COL13A1: variants seen among roughly 807,000 people sequenced by gnomAD.
The protein encoded by COL13A1 is collagen type XIII alpha 1 chain, also known as collagen alpha-1(XIII) chain.
A neutral mutation model predicts 130.9 loss-of-function variants in COL13A1; 89 were observed. That is an observed-to-expected ratio of 0.68 (90% CI 0.57 to 0.81). COL13A1 has a LOEUF of 0.81. Among genes scored for constraint, COL13A1 ranks in the 30% least tolerant of loss-of-function variants. The probability of loss-of-function intolerance (pLI) is 0.00; values close to 1 mark genes in which losing one functional copy is unlikely to be tolerated. For missense variants in COL13A1, 879 were observed against 934.6 expected (o/e 0.94, Z 0.78); for synonymous variants, 402 against 341.6 (o/e 1.18, Z -1.95).
At chr10:69,929,940 A>G in intron 28 of COL13A1, 103 bp from the exon 29 acceptor site, 3 of 961,670 alleles carry the variant, frequency 3.1e-6, no homozygotes, top group Non-Finnish European at 5.0e-6. Context: ...AGCAAACTCT[A>G]TGGGAAAGTG....
intron 4 of COL13A1, among the ~76,000 whole-genome samples, chr10:69,874,073 C>T (rs2059352156): frequency 6.6e-6 from 1 of 152,242 alleles, no homozygotes; most frequent in Non-Finnish European, 1.5e-5. Flanking sequence ...TGCTTCTAAT[C>T]TGCACAGCTA....
chr10:69,919,159 G>A, intron 20 of COL13A1, 71 bp downstream of exon 20: 1 of 1,598,554 alleles, frequency 6.3e-7, no homozygotes, highest in Non-Finnish European at 8.6e-7. Context: ...AGGGGCTGCT[G>A]CTGTTTTGCT....
intron 1 of COL13A1, among the ~76,000 whole-genome samples, chr10:69,807,954 G>A (rs575551029): frequency 6.6e-6 from 1 of 152,340 alleles, no homozygotes; most frequent in East Asian, 1.9e-4. Context: ...CTTACATGCA[G>A]CCTCAGAATC....
At chr10:69,820,839 C>T (rs540205966) in intron 1 of COL13A1, among the ~76,000 whole-genome samples, 27 of 152,286 alleles carry the variant, frequency 1.8e-4, no homozygotes, top group South Asian at 6.2e-4. Context: ...TGCCAGGAGG[C>T]GTGAGTTCAC....
chr10:69,855,266 G>A (rs1192688797), intron 2 of COL13A1, among the ~76,000 whole-genome samples: 6 of 152,178 alleles, frequency 3.9e-5, no homozygotes, highest in Admixed American at 3.3e-4. Flanking sequence ...ATGGAAGCAG[G>A]CCATGGGGCT....
At chr10:69,802,824 A>T in intron 1 of COL13A1, 107 bp downstream of exon 1, 1 of 1,441,750 alleles carries the variant, frequency 6.9e-7, no homozygotes, top group Non-Finnish European at 9.5e-7. Flanking sequence ...TGCGAGCCCC[A>T]GGTTCGCGCG....
intron 2 of COL13A1, among the ~76,000 whole-genome samples, chr10:69,838,756 T>C (rs1850786569): frequency 6.6e-6 from 1 of 152,254 alleles, no homozygotes; most frequent in Non-Finnish European, 1.5e-5. Flanking sequence ...TGCAGGTATA[T>C]ACAGGCCTTT....
intron 25 of COL13A1, 50 bp downstream of exon 25, chr10:69,925,057 A>C (rs1286615656): frequency 1.4e-6 from 2 of 1,473,460 alleles, no homozygotes; most frequent in Admixed American, 2.7e-5. Context: ...CTGGTAAATC[A>C]AAAAAGCATC....
chr10:69,840,399 G>T (rs1851283239), intron 2 of COL13A1, among the ~76,000 whole-genome samples: 1 of 152,172 alleles, frequency 6.6e-6, no homozygotes. Flanking sequence ...TGAATTGCTG[G>T]TTCCCCTTCC....
intron 1 of COL13A1, among the ~76,000 whole-genome samples, chr10:69,814,855 C>T (rs1459873894): frequency 6.6e-6 from 1 of 152,236 alleles, no homozygotes; most frequent in African/African-American, 2.4e-5. Context: ...GAATAGGAGG[C>T]ATGCACTAAT....
chr10:69,859,638 T>C (rs1369402744), intron 2 of COL13A1, among the ~76,000 whole-genome samples: 1 of 152,108 alleles, frequency 6.6e-6, no homozygotes, highest in Non-Finnish European at 1.5e-5. Context: ...GACCCCTCAA[T>C]GGAAGAAAGC....
intron 1 of COL13A1, among the ~76,000 whole-genome samples, chr10:69,812,775 A>C (rs1342523008): frequency 6.6e-6 from 1 of 152,218 alleles, no homozygotes; most frequent in Non-Finnish European, 1.5e-5. Context: ...GCACCAACCT[A>C]CTCCATGCAA....
Position 69,830,231 on chromosome 10 carries a change from T to C in COL13A1, c.364+7793T>C, listed in dbSNP as rs545085056. On this transcript the variant is annotated intron_variant, in intron 2 of 40. Coordinates refer to ENST00000645393, the MANE Select transcript of COL13A1 (RefSeq NM_001368882.1). ...TAAAGCAGCTCCCTTCCTAGGCACT[T>C]CTGAGAGAAATGCTCGTCTGTGCGT... Among the ~76,000 whole-genome samples the C allele has an allele frequency of 5.0e-4, 76 of 152,306 alleles. No homozygotes were observed. The Middle Eastern group carries it at 0.014, about 27-fold the overall frequency.
intron 2 of COL13A1, among the ~76,000 whole-genome samples, chr10:69,864,315 G>GTTGA (rs1159416875): frequency 2.8e-5 from 2 of 71,664 alleles, no homozygotes; most frequent in Non-Finnish European, 6.3e-5. Context: ...CTCAGTAAAT[G>GTTGA]TCGATTGAAT....
chr10:69,824,478 T>C (rs924274767), intron 2 of COL13A1, among the ~76,000 whole-genome samples: 4 of 152,126 alleles, frequency 2.6e-5, no homozygotes, highest in Admixed American at 6.5e-5. Context: ...GCTCAGGTAG[T>C]CCTGGGAGGC....
At chr10:69,872,344 T>C in intron 4 of COL13A1, 134 bp downstream of exon 4, 1 of 1,006,516 alleles carries the variant, frequency 9.9e-7, no homozygotes, top group Non-Finnish European at 1.5e-6. Flanking sequence ...GAGTCCCTGA[T>C]CTATAGCTTA....
intron 10 of COL13A1, among the ~76,000 whole-genome samples, chr10:69,890,640 G>A (rs557750058): frequency 6.6e-6 from 1 of 152,264 alleles, no homozygotes; most frequent in East Asian, 1.9e-4. Context: ...TGGAAAGGGG[G>A]ATGGTGGAGT....
chr10:69,902,842 C>T lies in COL13A1; in HGVS notation c.845C>T (p.Pro282Leu), dbSNP rs1382226615. 7 of 1,536,602 alleles carry T rather than the reference C, an allele frequency of 4.6e-6. No individual in the cohort carries two copies. In the East Asian group the frequency reaches 1.2e-4, roughly 27 times the overall value. The change falls in exon 15 of 41, where the codon CCT becomes CTT. Residue 282 changes from proline (P) to leucine (L), a missense_variant. Physicochemically the swap from Pro to Leu is moderately conservative, Grantham distance 98. Coordinates refer to ENST00000645393, the MANE Select transcript of COL13A1 (RefSeq NM_001368882.1). Reference protein sequence around the residue: ...GPLGHPGLPGPMGPPGLPGPP... With the variant: ...GPLGHPGLPGLMGPPGLPGPP... The stretch of plus-strand genomic sequence containing the variant: ...CTGGGGCACCCAGGACTGCCAGGGC[C>T]TATGGGGCCACCTGTAAGTATTCCC...
At chr10:69,841,340 A>G (rs563523906) in intron 2 of COL13A1, among the ~76,000 whole-genome samples, 2 of 152,274 alleles carry the variant, frequency 1.3e-5, no homozygotes, top group African/African-American at 2.4e-5. Context: ...CCAGCCTCCA[A>G]GCATAAACCT....
Sources: gnomAD v4.1 joint callset for allele counts (sites outside exome capture counted in the v4.1 genomes callset) on GRCh38, gnomAD v4.1.1 for gene constraint, MANE v1.5 for transcripts, NCBI Gene and HGNC (gene_info 2026-07-23, HGNC 2026-07-21) for gene names.